Variants in ENTREP2 observed in about 807,000 individuals in gnomAD.
ENTREP2 encodes the protein protein ENTREP2.
At chr15:29,304,182 T>C in the ENTREP2 span, among the ~76,000 whole-genome samples, 2 of 152,128 alleles carry the variant, frequency 1.3e-5, no homozygotes, top group Non-Finnish European at 2.9e-5. Flanking sequence ...CGCACCCGGC[T>C]GTATGGCATT....
chr15:29,533,968 G>A, the ENTREP2 span, among the ~76,000 whole-genome samples: 8 of 151,918 alleles, frequency 5.3e-5, no homozygotes, highest in East Asian at 7.7e-4. Flanking sequence ...GACTCCCCAC[G>A]GCTCAGGAAC....
At chr15:29,268,799 A>G in the ENTREP2 span, 6 of 1,605,560 alleles carry the variant, frequency 3.7e-6, no homozygotes, top group Admixed American at 8.4e-5. Flanking sequence ...TTTCAAGAGG[A>G]TGGAGCTGGG....
chr15:29,349,923 TA>T, the ENTREP2 span, among the ~76,000 whole-genome samples: 1 of 151,868 alleles, frequency 6.6e-6, no homozygotes. Context: ...TAAATAAAAA[TA>T]ATAATTAATT....
At chr15:29,593,299 G>A in the ENTREP2 span, among the ~76,000 whole-genome samples, 83 of 152,254 alleles carry the variant, frequency 5.5e-4, 1 homozygote, top group African/African-American at 2.0e-3. Flanking sequence ...GCTAATGTCA[G>A]GGCAAAATCC....
the ENTREP2 span, among the ~76,000 whole-genome samples, chr15:29,160,110 C>G: frequency 1.3e-5 from 2 of 152,230 alleles, no homozygotes; most frequent in African/African-American, 4.8e-5. Flanking sequence ...AGCACAGCAG[C>G]TGCTGGCCCA....
the ENTREP2 span, chr15:29,151,640 G>A: frequency 1.0e-6 from 1 of 982,032 alleles, no homozygotes; most frequent in Non-Finnish European, 1.6e-6. Context: ...ACTGTCAGGG[G>A]CCGCTGTCCT....
chr15:29,587,138 CGT>C, the ENTREP2 span, among the ~76,000 whole-genome samples: 8,325 of 123,566 alleles, frequency 0.067, 318 homozygotes, highest in African/African-American at 0.1. Flanking sequence ...TGTAGCTAAC[CGT>C]GTGTGTGTGT....
At chr15:29,414,014 C>G in the ENTREP2 span, among the ~76,000 whole-genome samples, 1 of 152,164 alleles carries the variant, frequency 6.6e-6, no homozygotes, top group East Asian at 1.9e-4. Context: ...CCTTAGTGAC[C>G]TACAAAGAGA....
chr15:29,155,623 C>T, the ENTREP2 span, among the ~76,000 whole-genome samples: 3 of 152,188 alleles, frequency 2.0e-5, no homozygotes, highest in African/African-American at 7.2e-5. Context: ...CCTTGATCCC[C>T]CTCAGACTCT....
At chr15:29,507,919 A>G in the ENTREP2 span, among the ~76,000 whole-genome samples, 8 of 152,170 alleles carry the variant, frequency 5.3e-5, no homozygotes, top group African/African-American at 1.7e-4. Context: ...GAACTGAAGG[A>G]GATAGAGACA....
the ENTREP2 span, among the ~76,000 whole-genome samples, chr15:29,575,279 A>C: frequency 1.3e-5 from 2 of 152,198 alleles, no homozygotes; most frequent in East Asian, 3.8e-4. Flanking sequence ...ATTCTCTCTA[A>C]AGAAAGATAT....
At chr15:29,243,866 A>G in the ENTREP2 span, among the ~76,000 whole-genome samples, 3 of 152,232 alleles carry the variant, frequency 2.0e-5, no homozygotes, top group Admixed American at 2.0e-4. Context: ...CCTCCCCCAA[A>G]TTAAAATAAA....
At chr15:29,672,812 T>A in the ENTREP2 span, among the ~76,000 whole-genome samples, 1 of 151,886 alleles carries the variant, frequency 6.6e-6, no homozygotes, top group African/African-American at 2.4e-5. Context: ...GGGTAGAAGA[T>A]AAAATTGTTG....
At chr15:29,137,045 A>T in the ENTREP2 span, 4 of 1,438,722 alleles carry the variant, frequency 2.8e-6, no homozygotes, top group African/African-American at 1.5e-5. Flanking sequence ...TCTGGGCCTC[A>T]GTGGACGGTG....
At chr15:29,124,614 C>G in the ENTREP2 span, 2 of 1,311,932 alleles carry the variant, frequency 1.5e-6, no homozygotes, top group Non-Finnish European at 1.1e-6. Flanking sequence ...AACAATGTAG[C>G]CAAGGACCCA....
chr15:29,193,265 G>A, the ENTREP2 span, among the ~76,000 whole-genome samples: 2 of 152,220 alleles, frequency 1.3e-5, no homozygotes, highest in African/African-American at 4.8e-5. Context: ...TGGTGTGTGA[G>A]TCTGTGAACT....
chr15:29,536,923 C>T, the ENTREP2 span, among the ~76,000 whole-genome samples: 3 of 152,060 alleles, frequency 2.0e-5, no homozygotes, highest in African/African-American at 2.4e-5. Flanking sequence ...AGGAAGGGAT[C>T]TATCTACCTG....
At chr15:29,219,593 ACAAAGGAACTGT>A in the ENTREP2 span, among the ~76,000 whole-genome samples, 138 of 126,236 alleles carry the variant, frequency 1.1e-3, 1 homozygote, top group African/African-American at 3.8e-3. Context: ...CAATGAGTGT[ACAAAGGAACTGT>A]GGTGCATAAA....
chr15:29,583,502 G>C, the ENTREP2 span, among the ~76,000 whole-genome samples: 4 of 152,120 alleles, frequency 2.6e-5, no homozygotes, highest in African/African-American at 9.7e-5. Context: ...GAGCAATGAG[G>C]GGGAGAGCAT....
Sources: allele counts gnomAD v4.1 joint callset (sites outside exome capture counted in the v4.1 genomes callset), GRCh38; gene constraint gnomAD v4.1.1; transcripts MANE v1.5; gene names NCBI Gene and HGNC (gene_info 2026-07-23, HGNC 2026-07-21).